Variants in PARD3B observed in about 807,000 individuals in gnomAD.
The protein encoded by PARD3B is partitioning defective 3 homolog B.
In PARD3B, 103 loss-of-function variants were observed where a neutral mutation model predicts 130.2. The observed-to-expected ratio is 0.79, with a 90% CI of 0.67 to 0.93. The LOEUF is 0.93. Among genes scored for constraint, PARD3B ranks in the 40% least tolerant of loss-of-function variants. The pLI is 0.00. For synonymous variants in PARD3B, 583 were observed against 553.2 expected, an observed-to-expected ratio of 1.05 and a Z score of -0.76; for missense variants, 1,609 against 1,499.2, an observed-to-expected ratio of 1.07 and a Z score of -1.21.
At chr2:204,617,624 G>A (rs2034158567) in intron 1 of PARD3B, among the ~76,000 whole-genome samples, 1 of 152,032 alleles carries the variant, frequency 6.6e-6, no homozygotes, top group Non-Finnish European at 1.5e-5. Context: ...GGTAAATTGT[G>A]TGTTGCAGGG....
rs897134495 is a variant in PARD3B at position 205,291,174 on chromosome 2, A to G, written c.2186-9356A>G. 6.6e-6 allele frequency among the ~76,000 whole-genome samples: 1 copy of G among 152,124 alleles called. No homozygotes were observed. Among genetic ancestry groups the G allele is most frequent in the Admixed American group, 6.6e-5 (1 of 15,266 alleles). ...TAAGTGCATGCTTAAAAAAGCCCAC[A>G]TTGTCATGACTGAACTTTTAAAAGG... On this transcript the variant is annotated intron_variant, in intron 16 of 22. Transcript: ENST00000406610. The surrounding 1 kb of genome is among the most constrained non-coding windows in gnomAD (Gnocchi z 4.6).
intron 1 of PARD3B, among the ~76,000 whole-genome samples, chr2:204,561,209 T>C (rs1360399463): frequency 6.6e-6 from 1 of 152,138 alleles, no homozygotes; most frequent in Admixed American, 6.6e-5. Flanking sequence ...TTGTTCAGCA[T>C]TGGATTAGAG....
At chr2:204,565,081 T>G (rs1300699454) in intron 1 of PARD3B, among the ~76,000 whole-genome samples, 1 of 152,158 alleles carries the variant, frequency 6.6e-6, no homozygotes, top group African/African-American at 2.4e-5. Flanking sequence ...AGCAGAACGC[T>G]TTCCTTGTTT....
intron 1 of PARD3B, among the ~76,000 whole-genome samples, chr2:204,596,131 G>A (rs10205679): frequency 0.055 from 8,341 of 152,170 alleles, 754 homozygotes; most frequent in African/African-American, 0.19. Context: ...TTATGAAATC[G>A]TGAGATAAAG....
chr2:205,045,929 T>A (rs1452065990), intron 3 of PARD3B, among the ~76,000 whole-genome samples: 1 of 152,300 alleles, frequency 6.6e-6, no homozygotes, highest in Middle Eastern at 3.4e-3. Flanking sequence ...AATGCCTTGG[T>A]GAACCATGTT....
chr2:204,814,403 T>C (rs1362666135), intron 2 of PARD3B, among the ~76,000 whole-genome samples: 4 of 151,726 alleles, frequency 2.6e-5, no homozygotes, highest in Non-Finnish European at 4.4e-5. Context: ...ACAAAAACTC[T>C]TATAATCTAT....
intron 21 of PARD3B, among the ~76,000 whole-genome samples, chr2:205,503,018 C>T (rs1460960942): frequency 1.3e-5 from 2 of 150,280 alleles, no homozygotes; most frequent in Admixed American, 1.3e-4. Flanking sequence ...CTCCCCTCTC[C>T]CCTCTCCCCT....
At chr2:205,103,071 TAAAA>T (rs1702898391) in intron 4 of PARD3B, among the ~76,000 whole-genome samples, 5 of 134,378 alleles carry the variant, frequency 3.7e-5, no homozygotes, top group Non-Finnish European at 8.3e-5. Flanking sequence ...AAAATAAAAA[TAAAA>T]ATATATATTT....
chr2:205,081,910 A>G (rs1322044007), intron 4 of PARD3B, among the ~76,000 whole-genome samples: 1 of 152,144 alleles, frequency 6.6e-6, no homozygotes, highest in Non-Finnish European at 1.5e-5. Flanking sequence ...TGTGTGGGAA[A>G]GTGTTCTCTT....
At chr2:204,813,575 A>G (rs752078151) in intron 2 of PARD3B, among the ~76,000 whole-genome samples, 5 of 152,110 alleles carry the variant, frequency 3.3e-5, no homozygotes, top group Admixed American at 6.5e-5. Context: ...TGTCATGTCT[A>G]AGAAACTTTT....
Position 205,300,583 on chromosome 2 carries a change from T to C in PARD3B, c.2239T>C (p.Leu747=). Reference sequence around the variant, plus strand: ...TCTGGGTTTGAAAAAGTCCAGCTCCTTGGAGAGTCTGCAGACTGCAGTGGC... The same window carrying C: ...TCTGGGTTTGAAAAAGTCCAGCTCCCTGGAGAGTCTGCAGACTGCAGTGGC... ...PTLGLKKSSS[L]ESLQTAVAEV... Residue 747 remains leucine (L), a synonymous_variant, in exon 17 of 23, where the codon TTG becomes CTG. Transcript: ENST00000406610. The surrounding 1 kb of genome is among the most constrained non-coding windows in gnomAD (Gnocchi z 4.1). 6.2e-7 allele frequency: 1 copy of C among 1,613,918 alleles called. No homozygotes were observed. Among genetic ancestry groups the C allele is most frequent in the Non-Finnish European group, 8.5e-7 (1 of 1,179,992 alleles).
chr2:204,903,287 C>T (rs2046933048), intron 2 of PARD3B, among the ~76,000 whole-genome samples: 1 of 152,178 alleles, frequency 6.6e-6, no homozygotes, highest in African/African-American at 2.4e-5. Flanking sequence ...TTTCTTATGA[C>T]TCAGAGTGAA....
chr2:204,893,972 C>T (rs2046544272), intron 2 of PARD3B, among the ~76,000 whole-genome samples: 2 of 151,726 alleles, frequency 1.3e-5, no homozygotes, highest in Admixed American at 6.6e-5. Flanking sequence ...TATGTGATTA[C>T]ATAAGTAAAT....
intron 3 of PARD3B, among the ~76,000 whole-genome samples, chr2:205,023,452 CTTTTTTTT>C (rs11319827): frequency 2.3e-5 from 2 of 88,732 alleles, no homozygotes; most frequent in Admixed American, 2.6e-4. Flanking sequence ...ATGCCCACAC[CTTTTTTTT>C]TTTTTTTTTT....
chr2:205,200,840 A>G (rs1251477979), intron 15 of PARD3B, among the ~76,000 whole-genome samples: 1 of 152,216 alleles, frequency 6.6e-6, no homozygotes, highest in Non-Finnish European at 1.5e-5. Flanking sequence ...GATAAAGGTT[A>G]TGTCCTAAAG....
At chr2:205,198,369 A>T (rs1018607172) in intron 15 of PARD3B, among the ~76,000 whole-genome samples, 9 of 152,216 alleles carry the variant, frequency 5.9e-5, no homozygotes, top group Admixed American at 5.9e-4. Flanking sequence ...AAGATTGTTA[A>T]CATTCCATGT....
At chr2:204,755,030 A>G (rs764035735) in intron 2 of PARD3B, among the ~76,000 whole-genome samples, 2 of 152,116 alleles carry the variant, frequency 1.3e-5, no homozygotes, top group Non-Finnish European at 2.9e-5. Context: ...ATTTAATTTC[A>G]GTTATTAGTG....
chr2:205,040,253 C>T (rs1410009418), intron 3 of PARD3B, among the ~76,000 whole-genome samples: 3 of 152,210 alleles, frequency 2.0e-5, no homozygotes, highest in Non-Finnish European at 4.4e-5. Flanking sequence ...TAAGCCACCA[C>T]GCCCGGCTAC....
chr2:205,231,817 A>C (rs972128000), intron 15 of PARD3B, among the ~76,000 whole-genome samples: 1 of 152,078 alleles, frequency 6.6e-6, no homozygotes, highest in African/African-American at 2.4e-5. Flanking sequence ...CATAGCGTGA[A>C]CTCCACGTAT....
Sources: gnomAD v4.1 joint callset for allele counts (sites outside exome capture counted in the v4.1 genomes callset) on GRCh38, gnomAD v4.1.1 for gene constraint, Gnocchi (gnomAD v3.1) non-coding constraint, MANE v1.5 for transcripts, NCBI Gene and HGNC (gene_info 2026-07-23, HGNC 2026-07-21) for gene names.